KLF12: variants seen among roughly 807,000 people sequenced by gnomAD.
KLF12 encodes the protein KLF transcription factor 12.
Under a neutral mutation model 37.8 loss-of-function variants are expected in KLF12, and 9 were observed. The ratio of observed to expected loss-of-function variants is 0.24; its 90% CI spans 0.14 to 0.42. The LOEUF is 0.42. Among genes scored for constraint, KLF12 ranks in the 10% least tolerant of loss-of-function variants. The pLI, the probability that KLF12 is intolerant of heterozygous loss-of-function variation, is 1.00. For synonymous variants in KLF12, 208 were observed against 202.1 expected, an observed-to-expected ratio of 1.03 and a Z score of -0.25; for missense variants, 411 against 516.0, an observed-to-expected ratio of 0.80 and a Z score of 1.97.
At chr13:73,911,272 TTAA>T (rs1888559812) in intron 3 of KLF12, among the ~76,000 whole-genome samples, 1 of 152,092 alleles carries the variant, frequency 6.6e-6, no homozygotes, top group Non-Finnish European at 1.5e-5. Context: ...AAATAAATAG[TTAA>T]TAAGAGGCAA....
rs1435741423 is a variant in KLF12 at position 73,764,641 on chromosome 13, G to GA, written c.869+296dup. 4.6e-5 allele frequency among the ~76,000 whole-genome samples: 7 copies of GA among 151,580 alleles called. No individual in the cohort carries two copies. In the East Asian group the frequency reaches 9.6e-4, roughly 21 times the overall value. ...GAAATATCTGGGTCTATGTACCTTC[G>GA]AAAAAAAGGAAAACATTCTTTAAAA... is the stretch of plus-strand genomic sequence containing the variant. On this transcript the variant is annotated intron_variant, in intron 6 of 7. Transcript: ENST00000377669.
At chr13:73,845,004 T>G (rs750112143) in intron 4 of KLF12, 4 of 152,098 alleles carry the variant, frequency 2.6e-5, no homozygotes, top group Non-Finnish European at 5.9e-5. Context: ...GACAGCATGA[T>G]GCCACCGCAA....
At chr13:74,011,746 A>T (rs778713367) in intron 1 of KLF12, among the ~76,000 whole-genome samples, 29 of 152,248 alleles carry the variant, frequency 1.9e-4, no homozygotes, top group Non-Finnish European at 2.9e-4. Context: ...ATATACAAAC[A>T]GTATGCCATT....
In KLF12 at chr13:73,695,454, T is replaced by C; in HGVS notation, c.*36A>G. 1 of 1,605,876 alleles carries C rather than the reference T, an allele frequency of 6.2e-7. No homozygotes were observed. Among genetic ancestry groups the C allele is most frequent in the African/African-American group, 1.3e-5 (1 of 74,850 alleles). On this transcript the variant is annotated 3_prime_UTR_variant, in exon 8 of 8. Coordinates refer to ENST00000377669, the MANE Select transcript of KLF12 (RefSeq NM_007249.5). ...TGCTGAATTGGGTGCCGCTAAGAGA[T>C]CCAGCTCTTACGCTCAGCTGGACAG...
chr13:73,904,718 C>T (rs1888196088), intron 3 of KLF12, among the ~76,000 whole-genome samples: 1 of 152,158 alleles, frequency 6.6e-6, no homozygotes, highest in East Asian at 1.9e-4. Flanking sequence ...GAGCAACATG[C>T]TAAGTTACAA....
chr13:74,095,150 A>T (rs1421791709), intron 1 of KLF12, among the ~76,000 whole-genome samples: 1 of 152,152 alleles, frequency 6.6e-6, no homozygotes, highest in African/African-American at 2.4e-5. Flanking sequence ...CAGACTGAAA[A>T]GTTCACATTT....
chr13:74,127,346 G>A (rs758501309), intron 1 of KLF12, among the ~76,000 whole-genome samples: 2 of 152,226 alleles, frequency 1.3e-5, no homozygotes, highest in Non-Finnish European at 2.9e-5. Flanking sequence ...TAGCTACTTA[G>A]GGTGGAAAAG....
the KLF12 span, among the ~76,000 whole-genome samples, chr13:74,253,165 A>C: frequency 6.6e-6 from 1 of 152,234 alleles, no homozygotes; most frequent in Non-Finnish European, 1.5e-5. Context: ...TAATAAGATA[A>C]AGTTTTGATT....
chr13:74,034,365 G>A (rs573461974), intron 1 of KLF12, among the ~76,000 whole-genome samples: 239 of 152,112 alleles, frequency 1.6e-3, no homozygotes, highest in African/African-American at 5.5e-3. Flanking sequence ...CACCACACCC[G>A]GCCCATTTAT....
At chr13:73,780,973 A>G (rs990172919) in intron 5 of KLF12, among the ~76,000 whole-genome samples, 1 of 152,228 alleles carries the variant, frequency 6.6e-6, no homozygotes, top group Admixed American at 6.5e-5. Flanking sequence ...GCTACAGAGA[A>G]ATCTTTCATG....
At chr13:73,725,464 C>G (rs983412777) in intron 6 of KLF12, among the ~76,000 whole-genome samples, 10 of 151,474 alleles carry the variant, frequency 6.6e-5, no homozygotes, top group Admixed American at 2.0e-4. Context: ...TAATGATAAA[C>G]AAGAAAACAA....
intron 1 of KLF12, among the ~76,000 whole-genome samples, chr13:74,042,673 G>A (rs543686037): frequency 8.5e-5 from 13 of 152,246 alleles, no homozygotes; most frequent in Admixed American, 6.5e-5. Context: ...AGACAGATCC[G>A]ATAAGTATGT....
chr13:73,803,434 T>C (rs1882386820), intron 5 of KLF12, among the ~76,000 whole-genome samples: 1 of 151,942 alleles, frequency 6.6e-6, no homozygotes, highest in Non-Finnish European at 1.5e-5. Context: ...CTTACCAGAG[T>C]TCTTCCCCAA....
At chr13:74,219,258 G>A in the KLF12 span, among the ~76,000 whole-genome samples, 9 of 152,120 alleles carry the variant, frequency 5.9e-5, no homozygotes, top group African/African-American at 2.2e-4. Context: ...GCCCGGCTGA[G>A]ATTTGTAAAT....
the KLF12 span, among the ~76,000 whole-genome samples, chr13:74,183,828 T>C: frequency 6.6e-6 from 1 of 152,136 alleles, no homozygotes; most frequent in Non-Finnish European, 1.5e-5. Context: ...TCCAAGCTAC[T>C]CAGGTGGCTG....
At chr13:73,833,984 C>T (rs981238245) in intron 4 of KLF12, among the ~76,000 whole-genome samples, 1 of 152,176 alleles carries the variant, frequency 6.6e-6, no homozygotes, top group South Asian at 2.1e-4. Flanking sequence ...GTGTTTCCCA[C>T]ATTAATGCAT....
intron 5 of KLF12, among the ~76,000 whole-genome samples, chr13:73,782,591 C>T (rs572986907): frequency 1.9e-4 from 29 of 152,218 alleles, no homozygotes; most frequent in South Asian, 1.7e-3. Flanking sequence ...TTAAATAACC[C>T]GACAAACTTC....
At chr13:73,957,071 G>C (rs1031464656) in intron 2 of KLF12, among the ~76,000 whole-genome samples, 2 of 75,888 alleles carry the variant, frequency 2.6e-5, no homozygotes, top group African/African-American at 6.5e-5. Context: ...GAAAGGAAAG[G>C]AAAGGAAAGG....
At chr13:74,184,227 CAG>C in the KLF12 span, among the ~76,000 whole-genome samples, 1 of 152,292 alleles carries the variant, frequency 6.6e-6, no homozygotes, top group Admixed American at 6.5e-5. Context: ...GTAATGCTGA[CAG>C]ATTATATTCT....
Sources: allele counts gnomAD v4.1 joint callset (sites outside exome capture counted in the v4.1 genomes callset), GRCh38; gene constraint gnomAD v4.1.1; transcripts MANE v1.5; gene names NCBI Gene and HGNC (gene_info 2026-07-23, HGNC 2026-07-21).